Variants in EXOC4 observed in about 807,000 individuals in gnomAD.
EXOC4 encodes SEC8-like 1.
A neutral mutation model predicts 107.2 loss-of-function variants in EXOC4; 71 were observed. That is an observed-to-expected ratio of 0.66 (90% CI 0.55 to 0.81). The LOEUF is 0.81. Among genes scored for constraint, EXOC4 ranks in the 30% least tolerant of loss-of-function variants. The probability of loss-of-function intolerance (pLI) is 0.00; values close to 1 mark genes in which losing one functional copy is unlikely to be tolerated. For synonymous variants in EXOC4, 456 were observed against 441.2 expected (o/e 1.03, Z -0.42); for missense variants, 1,108 against 1,189.6 (o/e 0.93, Z 1.01).
chr7:133,402,197 G>A (rs1046836752), intron 7 of EXOC4, among the ~76,000 whole-genome samples: 1 of 152,188 alleles, frequency 6.6e-6, no homozygotes, highest in Admixed American at 6.5e-5. Flanking sequence ...AAGTATTCAG[G>A]TGTATAGGAA....
chr7:133,798,579 G>T (rs1349218299), intron 10 of EXOC4, among the ~76,000 whole-genome samples: 1 of 152,148 alleles, frequency 6.6e-6, no homozygotes, highest in Non-Finnish European at 1.5e-5. Context: ...TAATAACCCT[G>T]CAAGGCAGAT....
chr7:134,074,098 G>A, the EXOC4 span, among the ~76,000 whole-genome samples: 17 of 152,188 alleles, frequency 1.1e-4, 1 homozygote, highest in Admixed American at 7.2e-4. Flanking sequence ...ATGTCGTGGA[G>A]CTACCGTGCA....
intron 17 of EXOC4, among the ~76,000 whole-genome samples, chr7:134,025,225 CATTATT>C (rs962014926): frequency 6.6e-6 from 1 of 152,146 alleles, no homozygotes; most frequent in African/African-American, 2.4e-5. Flanking sequence ...TGGAGTCTTA[CATTATT>C]ATTATTACTA....
chr7:133,967,111 A>G (rs1387325926), intron 14 of EXOC4, among the ~76,000 whole-genome samples: 2 of 152,126 alleles, frequency 1.3e-5, no homozygotes, highest in Non-Finnish European at 2.9e-5. Context: ...GTTTATTCAC[A>G]TAGAGGTGTT....
intron 10 of EXOC4, among the ~76,000 whole-genome samples, chr7:133,802,480 T>C (rs73724755): frequency 0.017 from 2,583 of 152,332 alleles, 69 homozygotes; most frequent in African/African-American, 0.059. Context: ...CTTACTGTCA[T>C]GTTTCAGGTT....
In EXOC4 at chr7:133,977,996, A is replaced by G. The variant is rs536736915; in HGVS notation, c.2207-19496A>G. On this transcript the variant is annotated intron_variant, in intron 14 of 17. Transcript: ENST00000253861. ...CTTTGTACATAGTGAACTGTAACCTAACTTGATGTGCAAACAGACTAGAAC... is the reference window on the plus strand; with the variant it reads ...CTTTGTACATAGTGAACTGTAACCTGACTTGATGTGCAAACAGACTAGAAC... 2.0e-5 allele frequency among the ~76,000 whole-genome samples: 3 copies of G among 152,322 alleles called. No individual in the cohort carries two copies. The South Asian group carries it at 6.2e-4, about 32-fold the overall frequency.
intron 7 of EXOC4, among the ~76,000 whole-genome samples, chr7:133,464,336 A>T (rs753456009): frequency 5.3e-5 from 8 of 152,222 alleles, no homozygotes; most frequent in Non-Finnish European, 1.0e-4. Flanking sequence ...TAACTTGACC[A>T]AGGTCACATA....
At chr7:133,646,790 G>A (rs1263101017) in intron 10 of EXOC4, among the ~76,000 whole-genome samples, 1 of 152,078 alleles carries the variant, frequency 6.6e-6, no homozygotes, top group African/African-American at 2.4e-5. Flanking sequence ...GAAGAGAAGG[G>A]GAAGATGGAT....
intron 10 of EXOC4, among the ~76,000 whole-genome samples, chr7:133,814,759 C>T (rs1227781651): frequency 6.6e-6 from 1 of 152,142 alleles, no homozygotes; most frequent in Non-Finnish European, 1.5e-5. Context: ...GTTTACTTTG[C>T]ATTTTTCTTA....
intron 6 of EXOC4, among the ~76,000 whole-genome samples, chr7:133,362,413 A>G (rs1796155586): frequency 1.3e-5 from 2 of 152,208 alleles, no homozygotes; most frequent in African/African-American, 4.8e-5. Flanking sequence ...TAATTGCTGA[A>G]TAATTCTAAC....
intron 2 of EXOC4, among the ~76,000 whole-genome samples, chr7:133,282,152 C>T (rs1178430579): frequency 6.6e-6 from 1 of 152,170 alleles, no homozygotes; most frequent in Non-Finnish European, 1.5e-5. Flanking sequence ...CTTTTCTCAC[C>T]CCTTTATCTT....
chr7:133,669,551 T>C (rs542457584), intron 10 of EXOC4, among the ~76,000 whole-genome samples: 1 of 148,078 alleles, frequency 6.8e-6, no homozygotes, highest in East Asian at 2.0e-4. Context: ...TTAAATAATA[T>C]TCAAACACAG....
At chr7:134,003,818 C>A (rs999740052) in intron 15 of EXOC4, among the ~76,000 whole-genome samples, 1 of 151,808 alleles carries the variant, frequency 6.6e-6, no homozygotes, top group African/African-American at 2.4e-5. Flanking sequence ...GACTGAAACA[C>A]TTTGATTACA....
chr7:133,807,324 A>G (rs1797102076), intron 10 of EXOC4, among the ~76,000 whole-genome samples: 1 of 152,216 alleles, frequency 6.6e-6, no homozygotes, highest in Non-Finnish European at 1.5e-5. Context: ...CATAAAAAAG[A>G]ATCCATATAA....
At chr7:134,040,827 C>T (rs563763402) in intron 17 of EXOC4, among the ~76,000 whole-genome samples, 1 of 152,278 alleles carries the variant, frequency 6.6e-6, no homozygotes, top group South Asian at 2.1e-4. Flanking sequence ...GATAGTCAAT[C>T]ACCTGTGGTA....
chr7:133,827,293 G>T (rs1427464024), intron 11 of EXOC4, among the ~76,000 whole-genome samples: 1 of 151,980 alleles, frequency 6.6e-6, no homozygotes, highest in Non-Finnish European at 1.5e-5. Context: ...GGCAGAACAG[G>T]CCCATTATAT....
intron 10 of EXOC4, among the ~76,000 whole-genome samples, chr7:133,760,852 T>G (rs1168473757): frequency 6.6e-6 from 1 of 152,154 alleles, no homozygotes; most frequent in Non-Finnish European, 1.5e-5. Flanking sequence ...TTTCCAAGGC[T>G]TAGGAAATGC....
chr7:133,433,647 G>A (rs1797903674), intron 7 of EXOC4, among the ~76,000 whole-genome samples: 2 of 152,186 alleles, frequency 1.3e-5, no homozygotes, highest in African/African-American at 4.8e-5. Context: ...AAATACAGAA[G>A]GATACTCATT....
chr7:134,080,289 G>C, the EXOC4 span, among the ~76,000 whole-genome samples: 2 of 152,114 alleles, frequency 1.3e-5, no homozygotes, highest in South Asian at 4.1e-4. Context: ...AGCTTAAGAA[G>C]GTTTTTAAAA....
Sources: gnomAD v4.1 joint callset for allele counts (sites outside exome capture counted in the v4.1 genomes callset) on GRCh38, gnomAD v4.1.1 for gene constraint, MANE v1.5 for transcripts, NCBI Gene and HGNC (gene_info 2026-07-23, HGNC 2026-07-21) for gene names.